KMT2C: variants seen among roughly 807,000 people sequenced by gnomAD.
The protein encoded by KMT2C is histone-lysine N-methyltransferase 2C.
KMT2C carries 88 observed loss-of-function variants against 507.9 expected under a neutral mutation model. That is an observed-to-expected ratio of 0.17 (90% CI 0.15 to 0.21). The LOEUF (loss-of-function observed/expected upper bound fraction) is 0.21. KMT2C is among the 10% of genes least tolerant of loss of function. The pLI, the probability that KMT2C is intolerant of heterozygous loss-of-function variation, is 1.00. For synonymous variants in KMT2C, 2,049 were observed against 2,080.8 expected, an observed-to-expected ratio of 0.98 and a Z score of 0.42; for missense variants, 4,954 against 5,957.8, an observed-to-expected ratio of 0.83 and a Z score of 5.55.
intron 1 of KMT2C, among the ~76,000 whole-genome samples, chr7:152,374,683 A>C (rs2097315207): frequency 6.6e-6 from 1 of 151,816 alleles, no homozygotes; most frequent in Admixed American, 6.6e-5. Context: ...TGGATCACTT[A>C]AGGTCAGGAG....
chr7:152,292,534 G>A (rs911685415), intron 6 of KMT2C, among the ~76,000 whole-genome samples: 7 of 152,058 alleles, frequency 4.6e-5, no homozygotes, highest in Admixed American at 3.3e-4. Flanking sequence ...CCTGAATGTC[G>A]TTATGATTTC....
intron 14 of KMT2C, among the ~76,000 whole-genome samples, chr7:152,240,197 T>C (rs532282402): frequency 3.0e-4 from 46 of 152,336 alleles, no homozygotes; most frequent in South Asian, 8.3e-4. Context: ...GCAGGTCAAT[T>C]ACCTCACTTT....
In KMT2C at chr7:152,148,326, T is replaced by G; in HGVS notation, c.13601A>C (p.Gln4534Pro). The change falls in exon 52 of 59, where the codon CAG (glutamine) becomes CCG (proline). Residue 4534 changes from glutamine (Q) to proline (P), a missense_variant. By Grantham distance (76) the Gln-to-Pro change is moderately conservative. Around this residue, in one of 29 missense-constraint regions of KMT2C, gnomAD observed 221 missense variants for 304.7 expected, o/e 0.73. Transcript: ENST00000262189. The surrounding 1 kb of genome is among the most constrained non-coding windows in gnomAD (Gnocchi z 7.1). Reference sequence around the variant, plus strand: ...TCCTCGTTGCACGATGCTAGCAATCTGTCGCACCTCATCACGCTGAACATA... The same window carrying G: ...TCCTCGTTGCACGATGCTAGCAATCGGTCGCACCTCATCACGCTGAACATA... Reference protein sequence around the residue: ...RVYVQRDEVRQIASIVQRGER... With the variant: ...RVYVQRDEVRPIASIVQRGER... 6.2e-7 allele frequency: 1 copy of G among 1,614,270 alleles called. No homozygotes were observed. The highest frequency in any genetic ancestry group is 1.1e-5 in the South Asian group (1 of 91,086).
chr7:152,168,742 G>A (rs73728766), intron 41 of KMT2C, among the ~76,000 whole-genome samples: 1,824 of 152,272 alleles, frequency 0.012, 36 homozygotes, highest in African/African-American at 0.042. Flanking sequence ...AACTAGAAAG[G>A]ATTCAGGGGC....
chr7:152,171,527 C>T (rs559004995), intron 39 of KMT2C, among the ~76,000 whole-genome samples, 185 bp from the exon 40 acceptor site: 6 of 152,296 alleles, frequency 3.9e-5, no homozygotes, highest in Non-Finnish European at 5.9e-5. Context: ...CACTGTAATT[C>T]GATGAAGTGT....
chr7:152,414,164 T>G (rs62495286), intron 1 of KMT2C, among the ~76,000 whole-genome samples: 60 of 143,206 alleles, frequency 4.2e-4, no homozygotes, highest in Non-Finnish European at 6.1e-4. Context: ...GAGCTAATAC[T>G]GTGCCACTGC....
At chr7:152,259,960 C>T (rs1346250686) in intron 9 of KMT2C, among the ~76,000 whole-genome samples, 29 of 149,002 alleles carry the variant, frequency 1.9e-4, no homozygotes, top group Non-Finnish European at 3.5e-4. Flanking sequence ...AAAGGACAAA[C>T]CTTTCAATCC....
intron 42 of KMT2C, 127 bp from the exon 43 acceptor site, chr7:152,163,953 G>C: frequency 1.2e-6 from 1 of 819,662 alleles, no homozygotes; most frequent in Non-Finnish European, 1.9e-6. Context: ...AACATATTTT[G>C]CTTGGGTAAC....
rs1176107417 is a variant in KMT2C, at chr7:152,135,392, AAC to A, written c.*1438_*1439del. 3.2e-5 allele frequency: 7 copies of A among 217,580 alleles called. No homozygotes were observed. Among genetic ancestry groups the A allele is most frequent in the Admixed American group, 5.8e-5 (1 of 17,286 alleles). 13.5% of individuals were successfully genotyped at this position (217,580 alleles called of 1,614,324 possible). A position where few individuals can be genotyped will look rare whatever the true frequency, so the allele number is the denominator to read the frequency against. On this transcript the variant is annotated 3_prime_UTR_variant, in exon 59 of 59. Transcript: ENST00000262189. ...ATTAAGTTTCTACAAGCAAACACAA[AAC>A]AGTGTTTTTTTTATTAAAGAAATGT...
intron 1 of KMT2C, among the ~76,000 whole-genome samples, chr7:152,366,003 G>A (rs887511335): frequency 3.9e-5 from 6 of 152,094 alleles, no homozygotes; most frequent in South Asian, 2.1e-4. Context: ...AGATGCTCAC[G>A]ATGACTATTA....
intron 14 of KMT2C, among the ~76,000 whole-genome samples, chr7:152,246,132 C>T (rs1323701055): frequency 2.0e-5 from 3 of 152,202 alleles, no homozygotes; most frequent in Admixed American, 6.5e-5. Flanking sequence ...CCCAGTGCCT[C>T]ACCAATGGAA....
chr7:152,193,092 C>T (rs549804462), intron 31 of KMT2C, among the ~76,000 whole-genome samples: 1 of 152,276 alleles, frequency 6.6e-6, no homozygotes, highest in East Asian at 1.9e-4. Context: ...AGTAGGATCG[C>T]TTGAGCCCAG....
At chr7:152,196,063 A>C in intron 27 of KMT2C, 52 bp from the exon 28 acceptor site, 2 of 1,103,514 alleles carry the variant, frequency 1.8e-6, no homozygotes, top group Non-Finnish European at 2.6e-6. Flanking sequence ...TCAGATATTA[A>C]GCCATTTGCT....
chr7:152,242,390 G>T (rs199505697), intron 14 of KMT2C, among the ~76,000 whole-genome samples: 36 of 149,716 alleles, frequency 2.4e-4, no homozygotes, highest in South Asian at 1.1e-3. Context: ...CTTAAAAAAA[G>T]TTACTAAAAA....
intron 23 of KMT2C, among the ~76,000 whole-genome samples, chr7:152,210,234 A>G (rs545019113): frequency 3.1e-4 from 47 of 152,348 alleles, no homozygotes; most frequent in African/African-American, 1.1e-3. Flanking sequence ...AAGAACATCT[A>G]AAGATACGGA....
In KMT2C at chr7:152,194,522, A is replaced by G. The variant is rs768748603; in HGVS notation, c.4425T>C (p.Asn1475=). The G allele has an allele frequency of 2.5e-6, 4 of 1,613,248 alleles. No individual in the cohort carries two copies. In the South Asian group the frequency reaches 4.4e-5, roughly 18 times the overall value. ...TTAATGGTCGTGAACTCTGATTGAC[A>G]TTTGGCTGAGGCAAAGAGGAAGGAT... ...TDDPSSLPQP[N]VNQSSRPLSE... The change falls in exon 29 of 59, where the codon AAT becomes AAC. Residue 1475 remains asparagine, a synonymous_variant. Transcript: ENST00000262189.
At chr7:152,174,014 T>C (rs2093081592) in intron 39 of KMT2C, 117 bp downstream of exon 39, 2 of 562,066 alleles carry the variant, frequency 3.6e-6, no homozygotes, top group African/African-American at 3.9e-5. Context: ...ACAACTTAAA[T>C]AGTGTTGTTC....
In KMT2C at chr7:152,235,884, A is replaced by G. The variant is rs370313067; in HGVS notation, c.2702T>C (p.Leu901Pro). The part of the protein sequence containing the change: ...PGKRRPRGAG[L>P]SGRGGRGRSK... ...CCTGCCTCGGCCACCTCGCCCCGAC[A>G]GTCCTGCACCTCGAGGTCTCCGCTT... Residue 901 changes from leucine (L) to proline (P), a missense_variant, in exon 16 of 59, where the codon CTG (leucine) becomes CCG (proline). Physicochemically the swap from Leu to Pro is moderately conservative, Grantham distance 98. Coordinates refer to ENST00000262189, the MANE Select transcript of KMT2C (RefSeq NM_170606.3). 2.0e-4 allele frequency: 329 copies of G among 1,611,948 alleles called. No individual in the cohort carries two copies. The East Asian group carries it at 4.7e-3, about 23-fold the overall frequency.
chr7:152,384,582 C>CACTAAA (rs2097405540), intron 1 of KMT2C, among the ~76,000 whole-genome samples: 4 of 143,802 alleles, frequency 2.8e-5, no homozygotes, highest in African/African-American at 1.0e-4. Context: ...CCACCACCAC[C>CACTAAA]ACCACCACCA....
Sources: gnomAD v4.1 joint callset for allele counts (sites outside exome capture counted in the v4.1 genomes callset) on GRCh38, gnomAD v4.1.1 for gene constraint, gnomAD v4.1.1 regional missense constraint, Gnocchi (gnomAD v3.1) non-coding constraint, MANE v1.5 for transcripts, NCBI Gene and HGNC (gene_info 2026-07-23, HGNC 2026-07-21) for gene names.